The following RAB10 variants were observed in gnomAD, a reference collection of about 807,000 sequenced individuals.
RAB10 encodes the protein RAB10, member RAS oncogene family.
Under a neutral mutation model 25.7 loss-of-function variants are expected in RAB10, and 5 were observed. The observed-to-expected ratio is 0.19, with a 90% CI of 0.10 to 0.41. RAB10 has a LOEUF of 0.41. RAB10 is among the 10% of genes least tolerant of loss of function. RAB10 has a pLI of 1.00. For synonymous variants in RAB10, 89 were observed against 86.4 expected (o/e 1.03, Z -0.16); for missense variants, 103 against 245.8 (o/e 0.42, Z 3.89).
At chr2:26,133,701 TCTCA>T (rs1668051295) in intron 5 of RAB10, among the ~76,000 whole-genome samples, 1 of 152,072 alleles carries the variant, frequency 6.6e-6, no homozygotes, top group Non-Finnish European at 1.5e-5. Context: ...TGAGATGGAG[TCTCA>T]CTCCGTCGCC....
Position 26,104,914 on chromosome 2 carries a change from T to C in RAB10, c.189-4854T>C, listed in dbSNP as rs149841330. 7.9e-3 allele frequency among the ~76,000 whole-genome samples: 1,207 copies of C among 152,060 alleles called. 85 individuals are homozygous for C. The East Asian group carries it at 0.18, about 23-fold the overall frequency. On this transcript the variant is annotated intron_variant, in intron 2 of 5. Coordinates refer to ENST00000264710, the MANE Select transcript of RAB10 (RefSeq NM_016131.5). The stretch of plus-strand genomic sequence containing the variant: ...CACCACGCCCGGCTAATTTTTTGTA[T>C]TTTTATTAGAGTTGGGTTTTCACTG...
chr2:26,087,292 C>G (rs1431194659), intron 1 of RAB10, among the ~76,000 whole-genome samples: 3 of 152,098 alleles, frequency 2.0e-5, no homozygotes, highest in Non-Finnish European at 2.9e-5. Flanking sequence ...TATTGGTACT[C>G]TCAGGATTTT....
chr2:26,113,533 C>T (rs1324489761), intron 3 of RAB10, among the ~76,000 whole-genome samples: 2 of 151,442 alleles, frequency 1.3e-5, no homozygotes, highest in Non-Finnish European at 2.9e-5. Context: ...AAGATCGTGC[C>T]ATTGTGCTCC....
At chr2:26,111,170 C>G (rs2149284340) in intron 3 of RAB10, among the ~76,000 whole-genome samples, 1 of 152,258 alleles carries the variant, frequency 6.6e-6, no homozygotes, top group African/African-American at 2.4e-5. Context: ...TGGCCAGATA[C>G]ACAAAGACCA....
intron 1 of RAB10, among the ~76,000 whole-genome samples, chr2:26,085,858 G>A (rs1666969549): frequency 6.6e-6 from 1 of 151,416 alleles, no homozygotes; most frequent in African/African-American, 2.4e-5. Flanking sequence ...AATTAGCTGG[G>A]CATGGTGGCG....
chr2:26,123,883 A>C (rs917940400), intron 3 of RAB10, among the ~76,000 whole-genome samples: 2 of 152,164 alleles, frequency 1.3e-5, no homozygotes. Context: ...CCGTAAAGTT[A>C]AACTGAGTGT....
chr2:26,124,466 T>TAATA (rs1380427172), intron 3 of RAB10, among the ~76,000 whole-genome samples: 7 of 132,372 alleles, frequency 5.3e-5, no homozygotes, highest in Non-Finnish European at 7.8e-5. Flanking sequence ...GTGGCAGTGA[T>TAATA]AATAGTTCAC....
rs147918176 is a variant in RAB10 at position 26,099,834 on chromosome 2, G to A, written c.188+1112G>A. 2.0e-4 allele frequency among the ~76,000 whole-genome samples: 30 copies of A among 151,974 alleles called. 1 individual carries two copies. The South Asian group carries it at 2.3e-3, about 12-fold the overall frequency. Reference sequence around the variant, plus strand: ...TGGGATTACAGGTGTGAGCCACTGCGCCTGGTCAATTTTTTTTTAACATTC... The same window carrying A: ...TGGGATTACAGGTGTGAGCCACTGCACCTGGTCAATTTTTTTTTAACATTC... On this transcript the variant is annotated intron_variant, in intron 2 of 5. Transcript: ENST00000264710.
At position 26,086,803 on chromosome 2, in the gene RAB10, G is replaced by C. The variant is rs142124285; in HGVS notation, c.128-11859G>C. Among the ~76,000 whole-genome samples the C allele has an allele frequency of 2.1e-3, 318 of 152,244 alleles. 1 individual carries two copies. The highest frequency in any genetic ancestry group is 7.5e-3 in the African/African-American group (312 of 41,546). ...TGGAGTATTATTCAGTCATAAAAAC[G>C]GTATACTAATATGTGCTGCATAATA... On this transcript the variant is annotated intron_variant, in intron 1 of 5. Transcript: ENST00000264710.
intron 2 of RAB10, among the ~76,000 whole-genome samples, chr2:26,106,764 A>G (rs2149282879): frequency 6.6e-6 from 1 of 151,998 alleles, no homozygotes; most frequent in East Asian, 1.9e-4. Context: ...ACACGCCTAT[A>G]GTCCCAGCTC....
Position 26,123,101 on chromosome 2 carries a change from C to T in RAB10, c.328-4043C>T, listed in dbSNP as rs376090825. Among the ~76,000 whole-genome samples the T allele has an allele frequency of 2.0e-4, 30 of 152,262 alleles. No individual in the cohort carries two copies. The East Asian group carries it at 5.0e-3, about 25-fold the overall frequency. ...CTTTTGAAGCTGCCAGTTTTTTGATCATTCAACAAGAAGACCTGAACACTG... is the reference window on the plus strand; with the variant it reads ...CTTTTGAAGCTGCCAGTTTTTTGATTATTCAACAAGAAGACCTGAACACTG... On this transcript the variant is annotated intron_variant, in intron 3 of 5. Transcript: ENST00000264710.
At chr2:26,045,429 C>A (rs998736573) in intron 1 of RAB10, among the ~76,000 whole-genome samples, 2 of 151,786 alleles carry the variant, frequency 1.3e-5, no homozygotes, top group Non-Finnish European at 2.9e-5. Flanking sequence ...TTAGTAGAGG[C>A]GGGGTTTCAC....
At position 26,120,295 on chromosome 2, in the gene RAB10, G is replaced by A. The variant is rs1041773306; in HGVS notation, c.328-6849G>A. The stretch of plus-strand genomic sequence containing the variant: ...TGGGAGCTTTTAAAACCATGCTTCT[G>A]TACTTCTTTGGGATCATGGACCCCT... On this transcript the variant is annotated intron_variant, in intron 3 of 5. Coordinates refer to ENST00000264710, the MANE Select transcript of RAB10 (RefSeq NM_016131.5). 2.6e-5 allele frequency among the ~76,000 whole-genome samples: 4 copies of A among 152,154 alleles called. No homozygotes were observed. In the South Asian group the frequency reaches 8.3e-4, roughly 32 times the overall value.
At chr2:26,036,754 TGTATA>T (rs1230745869) in intron 1 of RAB10, among the ~76,000 whole-genome samples, 2 of 151,810 alleles carry the variant, frequency 1.3e-5, no homozygotes, top group African/African-American at 2.4e-5. Flanking sequence ...ATAGAACAAA[TGTATA>T]GTAAGGTTGA....
At chr2:26,112,813 G>C (rs1667601864) in intron 3 of RAB10, among the ~76,000 whole-genome samples, 1 of 152,168 alleles carries the variant, frequency 6.6e-6, no homozygotes, top group Non-Finnish European at 1.5e-5. Flanking sequence ...AGGCGCAGTG[G>C]CTCATGCCTG....
At chr2:26,049,881 A>G (rs959539571) in intron 1 of RAB10, among the ~76,000 whole-genome samples, 6 of 152,116 alleles carry the variant, frequency 3.9e-5, no homozygotes, top group South Asian at 2.1e-4. Context: ...CCATCTTCCT[A>G]TGTACTCCAG....
At chr2:26,049,250 T>C (rs1434320775) in intron 1 of RAB10, among the ~76,000 whole-genome samples, 2 of 151,376 alleles carry the variant, frequency 1.3e-5, no homozygotes, top group African/African-American at 4.9e-5. Flanking sequence ...TTATTTAATA[T>C]GAAGGCCTTT....
chr2:26,097,982 A>G (rs901390755), intron 1 of RAB10, among the ~76,000 whole-genome samples: 10 of 152,078 alleles, frequency 6.6e-5, no homozygotes, highest in African/African-American at 9.7e-5. Context: ...AGTGAAGGCA[A>G]TATTTTTCCC....
intron 1 of RAB10, among the ~76,000 whole-genome samples, chr2:26,048,117 C>G (rs996380540): frequency 1.3e-5 from 2 of 151,566 alleles, no homozygotes; most frequent in South Asian, 4.1e-4. Flanking sequence ...ACCCATTGAC[C>G]GACATCTGGG....
Sources: gnomAD v4.1 joint callset for allele counts (sites outside exome capture counted in the v4.1 genomes callset) on GRCh38, gnomAD v4.1.1 for gene constraint, MANE v1.5 for transcripts, NCBI Gene and HGNC (gene_info 2026-07-23, HGNC 2026-07-21) for gene names.